PPP2R5C: variants seen among roughly 807,000 people sequenced by gnomAD.
PPP2R5C encodes the protein protein phosphatase 2 regulatory subunit B'gamma.
Under a neutral mutation model 68.9 loss-of-function variants are expected in PPP2R5C, and 7 were observed. That is an observed-to-expected ratio of 0.10 (90% CI 0.06 to 0.19). The LOEUF is 0.19. Among genes scored for constraint, PPP2R5C ranks in the 10% least tolerant of loss-of-function variants. The pLI, the probability that PPP2R5C is intolerant of heterozygous loss-of-function variation, is 1.00. For missense variants in PPP2R5C, 348 were observed against 641.3 expected, an observed-to-expected ratio of 0.54 and a Z score of 4.94; for synonymous variants, 210 against 222.2, an observed-to-expected ratio of 0.95 and a Z score of 0.49.
intron 1 of PPP2R5C, chr14:101,839,567 C>G (rs934313030): frequency 6.6e-6 from 1 of 152,492 alleles, no homozygotes; most frequent in Non-Finnish European, 1.5e-5. Context: ...CCCTGTGATC[C>G]CATGTCCTGG....
At chr14:101,907,759 G>A (rs1253952062) in intron 10 of PPP2R5C, among the ~76,000 whole-genome samples, 3 of 152,164 alleles carry the variant, frequency 2.0e-5, no homozygotes, top group African/African-American at 4.8e-5. Flanking sequence ...CCCTCTGGCT[G>A]TGCTGCACAG....
chr14:101,784,587 G>A (rs1236394432), intron 2 of PPP2R5C, among the ~76,000 whole-genome samples: 2 of 152,060 alleles, frequency 1.3e-5, no homozygotes, highest in African/African-American at 4.8e-5. Flanking sequence ...GAACAGCAGG[G>A]GGGAAACTGC....
intron 2 of PPP2R5C, among the ~76,000 whole-genome samples, chr14:101,858,199 C>T (rs1566912758): frequency 6.6e-6 from 1 of 152,124 alleles, no homozygotes. Flanking sequence ...TGGGGAATAG[C>T]TTTTTTCTTT....
At chr14:101,872,099 CATCTGAT>C (rs2140787677) in intron 2 of PPP2R5C, among the ~76,000 whole-genome samples, 1 of 151,882 alleles carries the variant, frequency 6.6e-6, no homozygotes, top group East Asian at 1.9e-4. Flanking sequence ...TTCAGATACC[CATCTGAT>C]ATCAATTACC....
At position 101,925,258 on chromosome 14, in the gene PPP2R5C, C is replaced by T; in HGVS notation, c.1561C>T (p.Gln521Ter). The T allele has an allele frequency of 6.2e-7, 1 of 1,613,194 alleles. No individual in the cohort carries two copies. The highest frequency in any genetic ancestry group is 8.5e-7 in the Non-Finnish European group (1 of 1,179,854). The change falls in exon 14 of 14, where the codon CAG becomes TAG. Residue 521 changes from glutamine to a stop codon, truncating the protein, a stop_gained. Transcript: ENST00000334743. LOFTEE classifies it high-confidence loss of function. ...CTGCAGGGCCGATGAGCTGGCCTCCCAGGACGGCCGCTAGCCTCCGGGGCG... is the reference window on the plus strand; with the variant it reads ...CTGCAGGGCCGATGAGCTGGCCTCCTAGGACGGCCGCTAGCCTCCGGGGCG...
intron 2 of PPP2R5C, among the ~76,000 whole-genome samples, chr14:101,778,815 T>C (rs2037543494): frequency 6.6e-6 from 1 of 152,166 alleles, no homozygotes; most frequent in Admixed American, 6.5e-5. Flanking sequence ...CCTAGCACTT[T>C]TGGGAGGCCA....
At chr14:101,905,665 AAAAAG>A (rs1388692890) in intron 9 of PPP2R5C, among the ~76,000 whole-genome samples, 1 of 151,934 alleles carries the variant, frequency 6.6e-6, no homozygotes, top group African/African-American at 2.4e-5. Flanking sequence ...CTCAAAAAAA[AAAAAG>A]AAAAGAAAAA....
intron 1 of PPP2R5C, among the ~76,000 whole-genome samples, chr14:101,816,603 A>T (rs904477708): frequency 4.6e-5 from 7 of 151,998 alleles, no homozygotes; most frequent in Non-Finnish European, 7.4e-5. Flanking sequence ...ATTACTGCGA[A>T]CTTTCTAGGT....
At chr14:101,903,597 C>G (rs1192733707) in intron 9 of PPP2R5C, among the ~76,000 whole-genome samples, 1 of 152,232 alleles carries the variant, frequency 6.6e-6, no homozygotes, top group Non-Finnish European at 1.5e-5. Flanking sequence ...GCTTCTGCTT[C>G]TTAGAGGACC....
At chr14:101,800,120 A>C (rs545276387) in intron 3 of PPP2R5C, among the ~76,000 whole-genome samples, 1 of 152,106 alleles carries the variant, frequency 6.6e-6, no homozygotes, top group South Asian at 2.1e-4. Context: ...ATGCTGGTGC[A>C]CACCTGTAGT....
intron 1 of PPP2R5C, among the ~76,000 whole-genome samples, chr14:101,842,589 G>A (rs983379710): frequency 2.4e-4 from 37 of 152,160 alleles, no homozygotes; most frequent in African/African-American, 8.7e-4. Context: ...CCTGAGGGGC[G>A]CCTGCTTCTA....
At chr14:101,883,682 G>T in intron 5 of PPP2R5C, 120 bp downstream of exon 7, 1 of 1,340,160 alleles carries the variant, frequency 7.5e-7, no homozygotes, top group Non-Finnish European at 1.0e-6. Flanking sequence ...GTTTCTCAAA[G>T]CCTATTTGTC....
chr14:101,816,072 G>A (rs1259432155), intron 1 of PPP2R5C, among the ~76,000 whole-genome samples: 1 of 152,200 alleles, frequency 6.6e-6, no homozygotes, highest in Non-Finnish European at 1.5e-5. Context: ...TGTAGTTAAC[G>A]TATTTCAATG....
chr14:101,781,706 A>G lies in PPP2R5C; in HGVS notation c.94-4312A>G, dbSNP rs2037702615. ...TCCGCTGCCTCGCCCCGGAGCCCGGAGGAGGGGAGCCGGCCACCCGGGGAA... is the reference window on the plus strand; with the variant it reads ...TCCGCTGCCTCGCCCCGGAGCCCGGGGGAGGGGAGCCGGCCACCCGGGGAA... On this transcript the variant is annotated intron_variant, in intron 2 of 14. Coordinates refer to the PPP2R5C transcript ENST00000328724. This position sits in a 1 kb window ranked among gnomAD's most constrained non-coding sequence, Gnocchi z 6.4. Among the ~76,000 whole-genome samples, 1 of 151,988 alleles carries G rather than the reference A, an allele frequency of 6.6e-6. No individual in the cohort carries two copies. The highest frequency in any genetic ancestry group is 1.5e-5 in the Non-Finnish European group (1 of 67,948).
At chr14:101,830,843 T>C (rs1453972019) in intron 1 of PPP2R5C, among the ~76,000 whole-genome samples, 1 of 152,060 alleles carries the variant, frequency 6.6e-6, no homozygotes, top group Non-Finnish European at 1.5e-5. Context: ...AACACAAATA[T>C]GTATAATTTA....
Position 101,888,076 on chromosome 14 carries a change from T to G in PPP2R5C, c.630-2161T>G, listed in dbSNP as rs571861258. ...GAAATTAAGAATTTATCAGTAAGAATGTAGTAATGTTGATTTAGGAAAACA... is the reference window on the plus strand; with the variant it reads ...GAAATTAAGAATTTATCAGTAAGAAGGTAGTAATGTTGATTTAGGAAAACA... On this transcript the variant is annotated intron_variant, in intron 5 of 13. Transcript: ENST00000334743. This position sits in a 1 kb window ranked among gnomAD's most constrained non-coding sequence, Gnocchi z 5.6. Among the ~76,000 whole-genome samples, 7 of 152,274 alleles carry G rather than the reference T, an allele frequency of 4.6e-5. No homozygotes were observed. The South Asian group carries it at 1.5e-3, about 32-fold the overall frequency.
chr14:101,924,445 C>CTTTTT lies in PPP2R5C; in HGVS notation c.1444-688_1444-684dup, dbSNP rs11325673. Among the ~76,000 whole-genome samples, 21 of 84,536 alleles carry CTTTTT rather than the reference C, an allele frequency of 2.5e-4. 5 individuals carry two copies. Among genetic ancestry groups the CTTTTT allele is most frequent in the East Asian group, 5.1e-4 (2 of 3,938 alleles). 55.5% of individuals were successfully genotyped at this position (84,536 alleles called of 152,430 possible). On this transcript the variant is annotated intron_variant, in intron 13 of 13. Coordinates refer to ENST00000334743, the Ensembl canonical transcript of PPP2R5C. ...TTTACCTCCAAGGAAATTTCTACATCTTTTTTTTTTTTGAGATGGAGTCTG... is the reference window on the plus strand; with the variant it reads ...TTTACCTCCAAGGAAATTTCTACATCTTTTTTTTTTTTTTTTTGAGATGGAGTCTG...
Position 101,835,948 on chromosome 14 carries a change from T to C in PPP2R5C, c.95-20738T>C, listed in dbSNP as rs2041065166. Among the ~76,000 whole-genome samples, 1 of 152,186 alleles carries C rather than the reference T, an allele frequency of 6.6e-6. No homozygotes were observed. Among genetic ancestry groups the C allele is most frequent in the Non-Finnish European group, 1.5e-5 (1 of 68,036 alleles). On this transcript the variant is annotated intron_variant, in intron 1 of 13. Transcript: ENST00000334743. The surrounding 1 kb of genome is among the most constrained non-coding windows in gnomAD (Gnocchi z 5.0). The stretch of plus-strand genomic sequence containing the variant: ...ACTAGGATTAGTGGGCTGGGAAAAG[T>C]TACAGTAATATATTACCAGCATGTA...
rs1230370215 is a variant in PPP2R5C, at chr14:101,917,911, G to C, written c.1407G>C (p.Gln469His). The C allele has an allele frequency of 3.1e-6, 5 of 1,613,778 alleles. No individual in the cohort carries two copies. In the African/African-American group the frequency reaches 6.7e-5, roughly 22 times the overall value. The change falls in exon 13 of 14, where the codon CAG (glutamine) becomes CAC (histidine). Residue 469 changes from glutamine to histidine, a missense_variant. Transcript: ENST00000334743. The surrounding 1 kb of genome is among the most constrained non-coding windows in gnomAD (Gnocchi z 4.4). ...ATGGGCCTTTATTTGAAGATGTGCA[G>C]ATGCTGAGAAAGACAGTGAAGGACG...
Sources: allele counts gnomAD v4.1 joint callset (sites outside exome capture counted in the v4.1 genomes callset), GRCh38; gene constraint gnomAD v4.1.1; non-coding constraint Gnocchi (gnomAD v3.1); transcripts MANE v1.5; gene names NCBI Gene and HGNC (gene_info 2026-07-23, HGNC 2026-07-21).